WLS: variants seen among roughly 807,000 people sequenced by gnomAD.
The protein encoded by WLS is Wnt ligand secretion mediator.
A neutral mutation model predicts 62.8 loss-of-function variants in WLS; 23 were observed. The ratio of observed to expected loss-of-function variants is 0.37; its 90% CI spans 0.26 to 0.52. The LOEUF is 0.52. Ranked by LOEUF, WLS falls within the 20% of genes least tolerant of loss-of-function variation. The pLI is 0.92. For synonymous variants in WLS, 246 were observed against 244.1 expected, an observed-to-expected ratio of 1.01 and a Z score of -0.07; for missense variants, 615 against 697.3, an observed-to-expected ratio of 0.88 and a Z score of 1.33.
chr1:68,214,988 C>T (rs1192547825), intron 1 of WLS, among the ~76,000 whole-genome samples: 1 of 152,198 alleles, frequency 6.6e-6, no homozygotes, highest in Non-Finnish European at 1.5e-5. Flanking sequence ...GTAGCCTCCA[C>T]ACAAGTCTCA....
chr1:68,107,093 A>G (rs1310574872), intron 11 of WLS, among the ~76,000 whole-genome samples: 1 of 152,188 alleles, frequency 6.6e-6, no homozygotes, highest in Non-Finnish European at 1.5e-5. Flanking sequence ...ATATGTTGGT[A>G]TCGATTAATG....
chr1:68,162,861 C>T (rs953866505), intron 2 of WLS: 3 of 1,454,578 alleles, frequency 2.1e-6, no homozygotes, highest in African/African-American at 2.8e-5. Flanking sequence ...TCATGGTACC[C>T]ATGGCTTCGT....
intron 2 of WLS, among the ~76,000 whole-genome samples, chr1:68,180,960 C>T (rs1432641751): frequency 6.6e-6 from 1 of 152,196 alleles, no homozygotes; most frequent in Non-Finnish European, 1.5e-5. Flanking sequence ...AAAAGAGGAT[C>T]TGGAACTGTT....
intron 11 of WLS, among the ~76,000 whole-genome samples, chr1:68,099,364 C>T (rs955710862): frequency 2.0e-5 from 3 of 152,214 alleles, no homozygotes; most frequent in Non-Finnish European, 4.4e-5. Flanking sequence ...CTAAAACGCA[C>T]ACTCCCAGGG....
In WLS at chr1:68,150,200, G is replaced by C. The variant is rs139633954; in HGVS notation, c.960C>G (p.Gly320=). The C allele has an allele frequency of 6.2e-7, 1 of 1,614,002 alleles. No individual in the cohort carries two copies. Among genetic ancestry groups the C allele is most frequent in the Non-Finnish European group, 8.5e-7 (1 of 1,180,010 alleles). ...MLLSFWIIFC[G]EHMMDQHERN... The stretch of plus-strand genomic sequence containing the variant: ...CGGCGGCTCTTACCATCATGTGCTC[G>C]CCACAGAAGATGATCCAGAAGGACA... The change falls in exon 6 of 12, where the codon GGC becomes GGG. Residue 320 remains glycine (G), a synonymous_variant. Coordinates refer to ENST00000262348, the MANE Select transcript of WLS (RefSeq NM_024911.7).
intron 2 of WLS, among the ~76,000 whole-genome samples, chr1:68,186,978 G>A (rs996929882): frequency 5.3e-5 from 8 of 151,752 alleles, no homozygotes; most frequent in African/African-American, 1.2e-4. Context: ...TTGGGAGGCC[G>A]AGGCGGGCGG....
intron 1 of WLS, chr1:68,231,552 C>G: frequency 3.3e-6 from 1 of 306,636 alleles, no homozygotes; most frequent in South Asian, 2.7e-5. Context: ...CCCACCCCAC[C>G]CCATCCCACC....
intron 11 of WLS, among the ~76,000 whole-genome samples, chr1:68,130,877 A>AGGT (rs1646508158): frequency 2.1e-5 from 3 of 141,386 alleles, no homozygotes; most frequent in African/African-American, 7.8e-5. Flanking sequence ...GGTGAATGGT[A>AGGT]GGTTTCTTCT....
chr1:68,192,889 G>A (rs1464460297), intron 2 of WLS, among the ~76,000 whole-genome samples: 6 of 148,864 alleles, frequency 4.0e-5, no homozygotes, highest in Admixed American at 6.7e-5. Flanking sequence ...GAGATCAGGA[G>A]TTCAAGAGCA....
chr1:68,108,453 C>T (rs910464254), intron 11 of WLS, among the ~76,000 whole-genome samples: 3 of 152,068 alleles, frequency 2.0e-5, no homozygotes, highest in Admixed American at 6.5e-5. Flanking sequence ...CCACTGTGTC[C>T]CTCCCACCTC....
intron 11 of WLS, among the ~76,000 whole-genome samples, chr1:68,130,688 T>C (rs1454219622): frequency 6.6e-6 from 1 of 152,134 alleles, no homozygotes; most frequent in African/African-American, 2.4e-5. Flanking sequence ...CCTTACATTT[T>C]TGGTGTTAAT....
At chr1:68,129,187 G>A (rs1646480946) in intron 11 of WLS, among the ~76,000 whole-genome samples, 1 of 152,158 alleles carries the variant, frequency 6.6e-6, no homozygotes, top group Non-Finnish European at 1.5e-5. Context: ...AACCGGGTGT[G>A]GTGGCGCATG....
At chr1:68,101,636 A>G (rs1391025944) in intron 11 of WLS, among the ~76,000 whole-genome samples, 2 of 152,206 alleles carry the variant, frequency 1.3e-5, no homozygotes, top group African/African-American at 4.8e-5. Context: ...CCAGAATATA[A>G]TATAAGACAG....
Position 68,232,409 on chromosome 1 carries a change from C to T in WLS, c.-110G>A. 2 of 1,469,358 alleles carry T rather than the reference C, an allele frequency of 1.4e-6. No individual in the cohort carries two copies. Among genetic ancestry groups the T allele is most frequent in the Admixed American group, 2.4e-5 (1 of 41,230 alleles). 91.0% of individuals were successfully genotyped at this position (1,469,358 alleles called of 1,614,324 possible). ...TTCCTCGCCTCCTTTCTGGGCGCTG[C>T]AAAACTTCAGAGGTGCTGGAGCGCG... On this transcript the variant is annotated 5_prime_UTR_variant, in exon 1 of 12. Coordinates refer to ENST00000262348, the MANE Select transcript of WLS (RefSeq NM_024911.7).
chr1:68,156,897 C>T (rs1646907710), intron 3 of WLS, among the ~76,000 whole-genome samples: 1 of 152,206 alleles, frequency 6.6e-6, no homozygotes, highest in South Asian at 2.1e-4. Context: ...GGCTGATTAT[C>T]CTCTGTGGTA....
intron 2 of WLS, among the ~76,000 whole-genome samples, chr1:68,192,216 A>AT (rs1271827282): frequency 6.6e-6 from 1 of 152,222 alleles, no homozygotes; most frequent in African/African-American, 2.4e-5. Flanking sequence ...CAATCTATTT[A>AT]TTTCAGGTAA....
At chr1:68,120,725 C>T (rs567853908), downstream of WLS, among the ~76,000 whole-genome samples, 2,167 of 142,514 alleles carry the variant, frequency 0.015, 29 homozygotes, top group Non-Finnish European at 0.024. Flanking sequence ...TGTGCGCGCG[C>T]GCACATGTGC....
In WLS at chr1:68,159,235, T is replaced by C; in HGVS notation, c.392A>G (p.Glu131Gly). The change falls in exon 3 of 12, where the codon GAA becomes GGA. Residue 131 changes from glutamate to glycine, a missense_variant. Transcript: ENST00000262348. ...KLNNQIRENA[E>G]VSMDVSLAYR... ...AGCCAGGGAAACGTCCATGGAGACT[T>C]CTGCATTTTCTCCTGCAAGAGAAAG... 6.2e-7 allele frequency: 1 copy of C among 1,613,082 alleles called. No individual in the cohort carries two copies. Among genetic ancestry groups the C allele is most frequent in the Non-Finnish European group, 8.5e-7 (1 of 1,179,772 alleles).
At chr1:68,102,497 C>A in intron 11 of WLS, among the ~76,000 whole-genome samples, 1 of 152,102 alleles carries the variant, frequency 6.6e-6, no homozygotes, top group South Asian at 2.1e-4. Context: ...ACCACAGACT[C>A]AATTCTCCTC....
Sources: allele counts gnomAD v4.1 joint callset (sites outside exome capture counted in the v4.1 genomes callset), GRCh38; gene constraint gnomAD v4.1.1; transcripts MANE v1.5; gene names NCBI Gene and HGNC (gene_info 2026-07-23, HGNC 2026-07-21).